Variants in OIT3 observed in about 807,000 individuals in gnomAD.
OIT3 encodes oncoprotein induced transcript 3, also known as oncoprotein-induced transcript 3 protein.
In OIT3, 41 loss-of-function variants were observed where a neutral mutation model predicts 52.2. The ratio of observed to expected loss-of-function variants is 0.79; its 90% confidence interval spans 0.61 to 1.02. The LOEUF (loss-of-function observed/expected upper bound fraction) is 1.02, where lower values mean the gene tolerates loss of function less well. Among genes scored for constraint, OIT3 ranks in the 50% least tolerant of loss-of-function variants. OIT3 has a pLI of 0.00. For synonymous variants in OIT3, 244 were observed against 276.9 expected, an observed-to-expected ratio of 0.88 and a Z score of 1.18; for missense variants, 634 against 715.5, an observed-to-expected ratio of 0.89 and a Z score of 1.30.
At chr10:72,895,426 A>G (rs1845867133) in intron 1 of OIT3, among the ~76,000 whole-genome samples, 2 of 152,136 alleles carry the variant, frequency 1.3e-5, no homozygotes, top group South Asian at 2.1e-4. Flanking sequence ...TATTTGGCTC[A>G]ATGCCAGAAG....
chr10:72,902,697 C>G (rs1254655312), intron 3 of OIT3, among the ~76,000 whole-genome samples: 1 of 152,176 alleles, frequency 6.6e-6, no homozygotes, highest in Non-Finnish European at 1.5e-5. Flanking sequence ...TACATGGCAG[C>G]AGGCAAGAGA....
intron 3 of OIT3, 146 bp downstream of exon 3, chr10:72,900,630 C>T (rs1014162123): frequency 6.8e-6 from 4 of 589,012 alleles, no homozygotes; most frequent in South Asian, 2.1e-5. Flanking sequence ...ATGCCTGGAC[C>T]GAAAGCCCCA....
chr10:72,899,821 A>C (rs1220064759), intron 2 of OIT3, among the ~76,000 whole-genome samples: 3 of 152,142 alleles, frequency 2.0e-5, no homozygotes, highest in African/African-American at 7.2e-5. Context: ...GATTTTTTTA[A>C]GTGATATACA....
intron 6 of OIT3, among the ~76,000 whole-genome samples, chr10:72,920,942 A>G (rs1846115946): frequency 6.6e-6 from 1 of 152,162 alleles, no homozygotes; most frequent in African/African-American, 2.4e-5. Context: ...TATCAAGTCC[A>G]GTTGATCCAG....
chr10:72,918,283 G>T (rs1846091436), intron 6 of OIT3: 1 of 781,044 alleles, frequency 1.3e-6, no homozygotes, highest in Non-Finnish European at 2.3e-6. Context: ...GAAACCGTTG[G>T]CTATACAGAC....
In OIT3 at chr10:72,932,373, G is replaced by T; in HGVS notation, c.1487G>T (p.Arg496Leu). ...KDHKEVFLHC[R>L]VLVCGVLDER... The stretch of plus-strand genomic sequence containing the variant: ...CTTCAGGAAGTGTTTCTGCACTGCC[G>T]GGTTCTTGTCTGTGGAGTGTTGGAC... Residue 496 changes from arginine (R) to leucine (L), a missense_variant, in exon 9 of 9, where the codon CGG becomes CTG. Arg to Leu is a moderately radical substitution (Grantham distance 102, BLOSUM62 -2). Transcript: ENST00000334011. 2 of 1,614,156 alleles carry T rather than the reference G, an allele frequency of 1.2e-6. No individual in the cohort carries two copies. Among genetic ancestry groups the T allele is most frequent in the Non-Finnish European group, 1.7e-6 (2 of 1,180,010 alleles).
intron 4 of OIT3, among the ~76,000 whole-genome samples, chr10:72,911,221 AC>A (rs1374203215): frequency 6.6e-6 from 1 of 152,098 alleles, no homozygotes; most frequent in Non-Finnish European, 1.5e-5. Context: ...AAAGCCGTTT[AC>A]CCCCAGTGCT....
At chr10:72,900,521 G>T in intron 3 of OIT3, 37 bp downstream of exon 3, 1 of 1,149,420 alleles carries the variant, frequency 8.7e-7, no homozygotes, top group South Asian at 1.3e-5. Context: ...AGGCTATTAG[G>T]ATCGAAAGGA....
At chr10:72,893,907 A>G (rs1199558813) in intron 1 of OIT3, 48 bp downstream of exon 1, 1 of 1,384,570 alleles carries the variant, frequency 7.2e-7, no homozygotes, top group Non-Finnish European at 1.0e-6. Flanking sequence ...TTGTTGTGGC[A>G]ATTTGCTATA....
chr10:72,926,810 T>G (rs985776047), intron 7 of OIT3, among the ~76,000 whole-genome samples: 1 of 152,220 alleles, frequency 6.6e-6, no homozygotes, highest in Non-Finnish European at 1.5e-5. Context: ...GGTTTACTTT[T>G]TTTGCAGTGA....
Position 72,898,829 on chromosome 10 carries a change from C to T in OIT3, c.227C>T (p.Pro76Leu). The stretch of plus-strand genomic sequence containing the variant: ...GATGCCATGCCTACCTTCTGCATAC[C>T]AGAAAACCACTGTGGAACCCACGCA... ...AGDAMPTFCI[P>L]ENHCGTHAPV... Residue 76 changes from proline to leucine, a missense_variant, in exon 2 of 9, where the codon CCA becomes CTA. Coordinates refer to ENST00000334011, the MANE Select transcript of OIT3 (RefSeq NM_152635.3). 1.2e-6 allele frequency: 2 copies of T among 1,614,172 alleles called. No homozygotes were observed. Among genetic ancestry groups the T allele is most frequent in the Non-Finnish European group, 1.7e-6 (2 of 1,180,012 alleles).
chr10:72,907,312 T>C (rs1189954275), intron 4 of OIT3, among the ~76,000 whole-genome samples: 1 of 152,162 alleles, frequency 6.6e-6, no homozygotes, highest in African/African-American at 2.4e-5. Flanking sequence ...TCTCAAACTT[T>C]AATGTGCCCA....
chr10:72,926,595 G>A (rs1403626162), intron 7 of OIT3, among the ~76,000 whole-genome samples: 2 of 152,182 alleles, frequency 1.3e-5, no homozygotes, highest in African/African-American at 4.8e-5. Context: ...CTTCTCAGAA[G>A]GTGTGCTTCC....
Position 72,911,700 on chromosome 10 carries a change from G to A in OIT3, c.668-17G>A, listed in dbSNP as rs762909889. 1.9e-6 allele frequency: 3 copies of A among 1,610,042 alleles called. No homozygotes were observed. The highest frequency in any genetic ancestry group is 2.2e-5 in the South Asian group (2 of 90,544). ...GGGTTACGAGATTATTCCCTTTTCT[G>A]TTGGTTTCTACTGCAGACGTTGAAG... On this transcript the variant is annotated splice_polypyrimidine_tract_variant and intron_variant, in intron 4 of 8. Transcript: ENST00000334011.
chr10:72,898,834 A>G lies in OIT3; in HGVS notation c.232A>G (p.Asn78Asp), dbSNP rs2132923105. 1 of 1,614,154 alleles carries G rather than the reference A, an allele frequency of 6.2e-7. No individual in the cohort carries two copies. The highest frequency in any genetic ancestry group is 8.5e-7 in the Non-Finnish European group (1 of 1,180,018). The stretch of plus-strand genomic sequence containing the variant: ...CATGCCTACCTTCTGCATACCAGAA[A>G]ACCACTGTGGAACCCACGCACCTGT... The part of the protein sequence containing the change: ...DAMPTFCIPE[N>D]HCGTHAPVWL... The change falls in exon 2 of 9, where the codon AAC (asparagine) becomes GAC (aspartate). Residue 78 changes from asparagine to aspartate, a missense_variant. Coordinates refer to ENST00000334011, the MANE Select transcript of OIT3 (RefSeq NM_152635.3).
chr10:72,907,292 A>G (rs1285015456), intron 4 of OIT3, among the ~76,000 whole-genome samples: 1 of 152,068 alleles, frequency 6.6e-6, no homozygotes, highest in Non-Finnish European at 1.5e-5. Context: ...GAGGGTGGAT[A>G]TTTGGTATTT....
chr10:72,908,515 A>G (rs1465701501), intron 4 of OIT3, among the ~76,000 whole-genome samples: 1 of 152,204 alleles, frequency 6.6e-6, no homozygotes, highest in African/African-American at 2.4e-5. Flanking sequence ...ACTTTGCATT[A>G]TTAACTGAGA....
chr10:72,910,096 T>A (rs892128696), intron 4 of OIT3, among the ~76,000 whole-genome samples: 2 of 152,198 alleles, frequency 1.3e-5, no homozygotes, highest in Non-Finnish European at 2.9e-5. Flanking sequence ...CTAATTTAAA[T>A]TTTCAGTTTA....
chr10:72,932,364 T>C lies in OIT3; in HGVS notation c.1478T>C (p.Leu493Pro). ...TGATCATCTCTTCAGGAAGTGTTTCTGCACTGCCGGGTTCTTGTCTGTGGA... is the reference window on the plus strand; with the variant it reads ...TGATCATCTCTTCAGGAAGTGTTTCCGCACTGCCGGGTTCTTGTCTGTGGA... ...FVGKDHKEVF[L>P]HCRVLVCGVL... Residue 493 changes from leucine to proline, a missense_variant, in exon 9 of 9, where the codon CTG becomes CCG. By Grantham distance (98) the Leu-to-Pro change is moderately conservative. Transcript: ENST00000334011. 3 of 1,614,246 alleles carry C rather than the reference T, an allele frequency of 1.9e-6. No individual in the cohort carries two copies. Among genetic ancestry groups the C allele is most frequent in the South Asian group, 1.1e-5 (1 of 91,084 alleles).
Sources: allele counts gnomAD v4.1 joint callset (sites outside exome capture counted in the v4.1 genomes callset), GRCh38; gene constraint gnomAD v4.1.1; transcripts MANE v1.5; gene names NCBI Gene and HGNC (gene_info 2026-07-23, HGNC 2026-07-21).